The following TRABD2B variants were observed in gnomAD, a reference collection of about 807,000 sequenced individuals.
TRABD2B encodes the protein metalloprotease TIKI2.
TRABD2B carries 14 observed loss-of-function variants against 40.1 expected under a neutral mutation model. The observed-to-expected ratio is 0.35, with a 90% CI of 0.23 to 0.55. The LOEUF (loss-of-function observed/expected upper bound fraction) is 0.55. Ranked by LOEUF, TRABD2B falls within the 20% of genes least tolerant of loss-of-function variation. The pLI, the probability that TRABD2B is intolerant of heterozygous loss-of-function variation, is 0.90. For missense variants in TRABD2B, 541 were observed against 648.6 expected, an observed-to-expected ratio of 0.83 and a Z score of 1.80; for synonymous variants, 263 against 277.0, an observed-to-expected ratio of 0.95 and a Z score of 0.50.
chr1:47,931,459 CT>C (rs1645038969), intron 2 of TRABD2B, among the ~76,000 whole-genome samples: 1 of 152,208 alleles, frequency 6.6e-6, no homozygotes, highest in Non-Finnish European at 1.5e-5. Context: ...GGTTCTGCAA[CT>C]ACTTTGACTG....
At chr1:47,876,649 C>T (rs910205547) in intron 2 of TRABD2B, among the ~76,000 whole-genome samples, 1 of 152,214 alleles carries the variant, frequency 6.6e-6, no homozygotes, top group African/African-American at 2.4e-5. Flanking sequence ...CTACCTGCAA[C>T]ATGCCAGAAA....
chr1:47,817,438 A>C (rs1007326187), intron 2 of TRABD2B, among the ~76,000 whole-genome samples: 2 of 151,978 alleles, frequency 1.3e-5, no homozygotes, highest in African/African-American at 4.8e-5. Flanking sequence ...CTCCCTTTTC[A>C]AAATACCTCC....
At chr1:47,901,139 C>T (rs2124679455) in intron 2 of TRABD2B, among the ~76,000 whole-genome samples, 1 of 152,242 alleles carries the variant, frequency 6.6e-6, no homozygotes, top group Middle Eastern at 3.4e-3. Context: ...AAGTGGAAAC[C>T]TAATATCTCT....
At chr1:47,884,237 C>T (rs1221080704) in intron 2 of TRABD2B, among the ~76,000 whole-genome samples, 1 of 152,118 alleles carries the variant, frequency 6.6e-6, no homozygotes, top group East Asian at 1.9e-4. Flanking sequence ...TGGCCAATGA[C>T]ATGTGAATGG....
chr1:47,872,096 G>A (rs187944408), intron 2 of TRABD2B, among the ~76,000 whole-genome samples: 7 of 152,306 alleles, frequency 4.6e-5, no homozygotes, highest in Admixed American at 4.6e-4. Flanking sequence ...GTGATGTGTC[G>A]GTCTGATGCA....
chr1:47,900,092 C>T (rs975495751), intron 2 of TRABD2B, among the ~76,000 whole-genome samples: 11 of 152,170 alleles, frequency 7.2e-5, no homozygotes, highest in African/African-American at 2.4e-4. Context: ...AAGGACCTCC[C>T]TAATAAATAT....
At chr1:47,862,869 G>A (rs1217482660) in intron 2 of TRABD2B, among the ~76,000 whole-genome samples, 1 of 152,080 alleles carries the variant, frequency 6.6e-6, no homozygotes, top group Non-Finnish European at 1.5e-5. Context: ...GTGTGGTGTT[G>A]GTGAAAGAAA....
chr1:47,870,439 A>G (rs1570168516), intron 2 of TRABD2B, among the ~76,000 whole-genome samples: 1 of 152,046 alleles, frequency 6.6e-6, no homozygotes, highest in African/African-American at 2.4e-5. Flanking sequence ...ATCTTCCTCA[A>G]TTTCCTACAC....
At chr1:47,827,374 T>C (rs1477617422) in intron 2 of TRABD2B, among the ~76,000 whole-genome samples, 1 of 152,226 alleles carries the variant, frequency 6.6e-6, no homozygotes, top group Non-Finnish European at 1.5e-5. Context: ...ACCACCTAGG[T>C]TGGAATGCCT....
At chr1:47,802,080 T>C (rs1200258439) in intron 2 of TRABD2B, among the ~76,000 whole-genome samples, 1 of 152,222 alleles carries the variant, frequency 6.6e-6, no homozygotes, top group Non-Finnish European at 1.5e-5. Flanking sequence ...CCGCCTACCC[T>C]GGAAGCCTTC....
intron 4 of TRABD2B, among the ~76,000 whole-genome samples, chr1:47,794,228 T>C (rs760357802): frequency 6.6e-6 from 1 of 152,158 alleles, no homozygotes; most frequent in Non-Finnish European, 1.5e-5. Context: ...TGGGGCCACA[T>C]GTGCTTCACA....
chr1:47,862,810 T>A (rs1643993257), intron 2 of TRABD2B, among the ~76,000 whole-genome samples: 1 of 136,438 alleles, frequency 7.3e-6, no homozygotes, highest in South Asian at 2.3e-4. Flanking sequence ...GTTAAAGGAA[T>A]GACAGTACTC....
intron 2 of TRABD2B, among the ~76,000 whole-genome samples, chr1:47,874,534 AG>A (rs1644194782): frequency 6.9e-6 from 1 of 145,094 alleles, no homozygotes; most frequent in Admixed American, 6.8e-5. Context: ...GGCCTCCCAA[AG>A]TGCTGGGATT....
intron 2 of TRABD2B, among the ~76,000 whole-genome samples, chr1:47,927,877 C>T (rs1273170296): frequency 6.6e-6 from 1 of 152,240 alleles, no homozygotes; most frequent in African/African-American, 2.4e-5. Flanking sequence ...CTCTGCTTCT[C>T]TCCCCAACAA....
At chr1:47,772,554 A>G (rs937309601) in intron 6 of TRABD2B, among the ~76,000 whole-genome samples, 2 of 152,108 alleles carry the variant, frequency 1.3e-5, no homozygotes, top group Non-Finnish European at 2.9e-5. Flanking sequence ...CAGGTGCAAG[A>G]TGAGCTGGGA....
At position 47,988,249 on chromosome 1, in the gene TRABD2B, GA is replaced by G. The variant is rs540418950; in HGVS notation, c.666+5784del. On this transcript the variant is annotated intron_variant, in intron 2 of 6. Coordinates refer to ENST00000606738, the MANE Select transcript of TRABD2B (RefSeq NM_001194986.2). ...ACAGGGTCTCTATCTGAAGTGTGGA[GA>G]ACCAGGGCACAGGAGAGACTAATAT... 1.6e-3 allele frequency among the ~76,000 whole-genome samples: 251 copies of G among 152,278 alleles called. 1 individual carries two copies. Among genetic ancestry groups the G allele is most frequent in the African/African-American group, 5.5e-3 (229 of 41,560 alleles).
At chr1:47,803,028 AT>A (rs1387460805) in intron 2 of TRABD2B, among the ~76,000 whole-genome samples, 2 of 152,070 alleles carry the variant, frequency 1.3e-5, no homozygotes, top group Non-Finnish European at 2.9e-5. Flanking sequence ...AAAAAAAAAA[AT>A]CTTCTGCCTT....
rs10890509 is a variant in TRABD2B at position 47,866,790 on chromosome 1, T to A, written c.667-65171A>T. Reference sequence around the variant, plus strand: ...GGACCCCTCTCCATCCCACTGGGCCTGTCCAAGCCTGTTATTCCCTGACTT... The same window carrying A: ...GGACCCCTCTCCATCCCACTGGGCCAGTCCAAGCCTGTTATTCCCTGACTT... On this transcript the variant is annotated intron_variant, in intron 2 of 6. Transcript: ENST00000606738. Among the ~76,000 whole-genome samples the A allele has an allele frequency of 5.4e-3, 822 of 152,272 alleles. 13 individuals carry two copies. The highest frequency in any genetic ancestry group is 0.019 in the African/African-American group (786 of 41,548).
rs1378477459 is a variant in TRABD2B, at chr1:47,801,922, G to A, written c.667-303C>T. ...AGAACCCAACTTGTGTCTGGGTTTCGGAATGATGGGTGAGTTTTTCTTTTG... is the reference window on the plus strand; with the variant it reads ...AGAACCCAACTTGTGTCTGGGTTTCAGAATGATGGGTGAGTTTTTCTTTTG... On this transcript the variant is annotated intron_variant, in intron 2 of 6. Transcript: ENST00000606738. Among the ~76,000 whole-genome samples the A allele has an allele frequency of 3.9e-5, 6 of 152,202 alleles. No individual in the cohort carries two copies. In the East Asian group the frequency reaches 5.8e-4, roughly 15 times the overall value.
Sources: gnomAD v4.1 joint callset for allele counts (sites outside exome capture counted in the v4.1 genomes callset) on GRCh38, gnomAD v4.1.1 for gene constraint, MANE v1.5 for transcripts, NCBI Gene and HGNC (gene_info 2026-07-23, HGNC 2026-07-21) for gene names.